Variants in PRDM10 observed in about 807,000 individuals in gnomAD.
PRDM10 encodes the protein PR/SET domain 10, also known as PR domain zinc finger protein 10.
In PRDM10, 65 loss-of-function variants were observed where a neutral mutation model predicts 133.1. The observed-to-expected ratio is 0.49, with a 90% confidence interval of 0.40 to 0.60. The LOEUF (loss-of-function observed/expected upper bound fraction) is 0.60. Among genes scored for constraint, PRDM10 ranks in the 20% least tolerant of loss-of-function variants. PRDM10 has a pLI of 0.00. For synonymous variants in PRDM10, 582 were observed against 580.4 expected, an observed-to-expected ratio of 1.00 and a Z score of -0.04; for missense variants, 1,137 against 1,507.1, an observed-to-expected ratio of 0.75 and a Z score of 4.07.
Position 129,918,647 on chromosome 11 carries a change from G to A in PRDM10, c.2106C>T (p.Arg702=), listed in dbSNP as rs1274819676. ...NPEREAKKAD[R]ISRSKTFKPR... ...GCTTGAACGTCTTGGAGCGGCTGAT[G>A]CGGTCGGCTTTCTTGGCCTCCCTCT... The change falls in exon 14 of 21, where the codon CGC becomes CGT. Residue 702 remains arginine (R), a synonymous_variant. Coordinates refer to ENST00000360871, the MANE Select transcript of PRDM10 (RefSeq NM_199437.2). The surrounding 1 kb of genome is among the most constrained non-coding windows in gnomAD (Gnocchi z 5.3). 2.5e-6 allele frequency: 4 copies of A among 1,614,210 alleles called. No homozygotes were observed. Among genetic ancestry groups the A allele is most frequent in the Admixed American group, 1.7e-5 (1 of 60,024 alleles).
intron 1 of PRDM10, among the ~76,000 whole-genome samples, chr11:129,980,877 T>G (rs1938069428): frequency 2.8e-5 from 4 of 144,762 alleles, no homozygotes; most frequent in South Asian, 2.3e-4. Context: ...TTTTTTTTTT[T>G]TTTTTTTTTT....
Position 129,947,323 on chromosome 11 carries a change from T to C in PRDM10, c.342A>G (p.Val114=), listed in dbSNP as rs762798525. 6.2e-7 allele frequency: 1 copy of C among 1,614,152 alleles called. No individual in the cohort carries two copies. The stretch of plus-strand genomic sequence containing the variant: ...GAGTTGCCAAAGGGTCGGACCCATC[T>C]ACACTCTCGATGGAAGGCAGCACCT... The part of the protein sequence containing the change: ...HNQVLPSIES[V]DGSDPLATLQ... Residue 114 remains valine (V), a synonymous_variant, in exon 5 of 21, where the codon GTA becomes GTG. Coordinates refer to ENST00000360871, the MANE Select transcript of PRDM10 (RefSeq NM_199437.2). The surrounding 1 kb of genome is among the most constrained non-coding windows in gnomAD (Gnocchi z 4.6).
At chr11:129,917,347 T>G in intron 14 of PRDM10, 110 bp from the exon 15 acceptor site, 1 of 779,818 alleles carries the variant, frequency 1.3e-6, no homozygotes. Context: ...TCTGAAGCAA[T>G]GCCCCCAAAT....
At chr11:129,940,600 T>C (rs1951175934) in intron 7 of PRDM10, among the ~76,000 whole-genome samples, 2 of 152,372 alleles carry the variant, frequency 1.3e-5, no homozygotes, top group South Asian at 2.1e-4. Flanking sequence ...ATGTGCAGGA[T>C]GTGCAGATTT....
chr11:129,917,268 A>T (rs371135165), intron 14 of PRDM10, 31 bp from the exon 15 acceptor site: 15 of 1,519,214 alleles, frequency 9.9e-6, no homozygotes, highest in Non-Finnish European at 1.3e-5. Flanking sequence ...CAATGAGAAA[A>T]AGAGACCCCA....
Position 129,947,426 on chromosome 11 carries a change from G to C in PRDM10, c.295-56C>G, listed in dbSNP as rs747335966. Reference sequence around the variant, plus strand: ...AGACATGGACACCTGCTTTTGGTTCGCTGGTGCCTGCTGGCACAAACAGGG... The same window carrying C: ...AGACATGGACACCTGCTTTTGGTTCCCTGGTGCCTGCTGGCACAAACAGGG... On this transcript the variant is annotated intron_variant, in intron 4 of 20. Transcript: ENST00000360871. This position sits in a 1 kb window ranked among gnomAD's most constrained non-coding sequence, Gnocchi z 4.6. 6.2e-7 allele frequency: 1 copy of C among 1,603,868 alleles called. No homozygotes were observed. The highest frequency in any genetic ancestry group is 1.7e-5 in the Admixed American group (1 of 59,736).
chr11:129,960,899 T>G lies in PRDM10; in HGVS notation c.66A>C (p.Ala22=). 1 of 1,614,140 alleles carries G rather than the reference T, an allele frequency of 6.2e-7. No homozygotes were observed. Among genetic ancestry groups the G allele is most frequent in the Middle Eastern group, 1.6e-4 (1 of 6,062 alleles). ...PTSAEHEQNA[A]QVHFVPDTGT... is the part of the protein sequence containing the mutation. ...GCTGGAAAAGACCAGTCTTCACCTG[T>G]GCGGCATTCTGTTCATGCTCTGCAG... is the stretch of plus-strand genomic sequence containing the variant. Residue 22 remains alanine (A), a synonymous_variant, in exon 2 of 21, where the codon GCA becomes GCC. Coordinates refer to ENST00000360871, the MANE Select transcript of PRDM10 (RefSeq NM_199437.2).
At chr11:129,944,295 C>T (rs748968164) in intron 6 of PRDM10, among the ~76,000 whole-genome samples, 16 of 152,106 alleles carry the variant, frequency 1.1e-4, no homozygotes, top group Admixed American at 2.0e-4. Flanking sequence ...CGCCTTCAGG[C>T]ACTAAAATTG....
intron 1 of PRDM10, among the ~76,000 whole-genome samples, chr11:129,983,089 G>T (rs369206222): frequency 2.6e-5 from 4 of 151,842 alleles, no homozygotes; most frequent in Non-Finnish European, 5.9e-5. Flanking sequence ...TGATTCTCCT[G>T]TGTCAACCTC....
rs1182285929 is a variant in PRDM10 at position 129,944,878 on chromosome 11, C to T, written c.655G>A (p.Gly219Ser). Residue 219 changes from glycine (G) to serine (S), a missense_variant, in exon 6 of 21, where the codon GGC (glycine) becomes AGC (serine). Transcript: ENST00000360871. ...PLVLYIDRFL[G>S]GVFSKRRIPK... ...ATGCGCCGCTTGGAGAACACCCCGC[C>T]CAGAAACCTGTCTATGTAGAGCACC... The T allele has an allele frequency of 1.2e-6, 2 of 1,614,160 alleles. No homozygotes were observed. Among genetic ancestry groups the T allele is most frequent in the South Asian group, 1.1e-5 (1 of 91,084 alleles).
At position 129,942,444 on chromosome 11, in the gene PRDM10, C is replaced by G; in HGVS notation, c.948G>C (p.Glu316Asp). The G allele has an allele frequency of 1.9e-6, 3 of 1,614,014 alleles. No individual in the cohort carries two copies. Among genetic ancestry groups the G allele is most frequent in the Non-Finnish European group, 2.5e-6 (3 of 1,179,976 alleles). ...HVYYTTIKNV[E>D]PKQELKVWYA... ...ACTGTACCTTCAGTTCCTGCTTGGG[C>G]TCCACATTTTTTATGGTTGTATAAT... is the stretch of plus-strand genomic sequence containing the variant. The change falls in exon 7 of 21, where the codon GAG (glutamate) becomes GAC (aspartate). Residue 316 changes from glutamate (E) to aspartate (D), a missense_variant. By Grantham distance (45) the Glu-to-Asp change is conservative (BLOSUM62 2). Transcript: ENST00000360871.
chr11:129,904,713 T>G (rs1206387928), intron 20 of PRDM10, among the ~76,000 whole-genome samples: 17 of 152,222 alleles, frequency 1.1e-4, no homozygotes, highest in African/African-American at 4.1e-4. Context: ...TTGGCCAAGT[T>G]GGTCTTGAAC....
rs1046871732 is a variant in PRDM10, at chr11:129,960,158, A to G, written c.69+738T>C. Among the ~76,000 whole-genome samples the G allele has an allele frequency of 5.9e-5, 9 of 152,196 alleles. No individual in the cohort carries two copies. The South Asian group carries it at 6.2e-4, about 10-fold the overall frequency. On this transcript the variant is annotated intron_variant, in intron 2 of 20. Coordinates refer to ENST00000360871, the MANE Select transcript of PRDM10 (RefSeq NM_199437.2). ...AGAATCTGCATACTTAAATGTTTCA[A>G]TGTAACTTCTTGATTTTGATACTGG... is the stretch of plus-strand genomic sequence containing the variant.
At chr11:129,936,556 G>A (rs1426618748) in intron 8 of PRDM10, among the ~76,000 whole-genome samples, 1 of 152,180 alleles carries the variant, frequency 6.6e-6, no homozygotes, top group African/African-American at 2.4e-5. Flanking sequence ...GGGAGGCTGA[G>A]GCAGGAGAAT....
At chr11:129,989,083 A>G (rs1035859286) in intron 1 of PRDM10, among the ~76,000 whole-genome samples, 4 of 152,234 alleles carry the variant, frequency 2.6e-5, no homozygotes, top group East Asian at 3.8e-4. Flanking sequence ...ACTTTATTCA[A>G]TTGGTCTACA....
intron 2 of PRDM10, among the ~76,000 whole-genome samples, chr11:129,959,925 CTT>C (rs112833018): frequency 2.0e-4 from 27 of 138,230 alleles, no homozygotes; most frequent in Non-Finnish European, 1.9e-4. Context: ...GCTAATTTTT[CTT>C]TTTTTTTTTT....
intron 4 of PRDM10, among the ~76,000 whole-genome samples, chr11:129,953,554 A>G (rs918548102): frequency 6.6e-6 from 1 of 152,190 alleles, no homozygotes; most frequent in Non-Finnish European, 1.5e-5. Flanking sequence ...TCAGCCTCCC[A>G]AAGTGTTGGG....
In PRDM10 at chr11:129,917,217, T is replaced by C. The variant is rs1287353184; in HGVS notation, c.2235A>G (p.Arg745=). The C allele has an allele frequency of 6.2e-7, 1 of 1,612,878 alleles. No homozygotes were observed. The change falls in exon 15 of 21, where the codon AGA becomes AGG. Residue 745 remains arginine (R), a synonymous_variant. Coordinates refer to ENST00000360871, the MANE Select transcript of PRDM10 (RefSeq NM_199437.2). ...RGMLVNHLSK[R]HPDMKIEEVP... ...CCTCTTCTATCTTCATGTCTGGGTGTCTCTTCGATAAGTGATTTACCTAAA... is the reference window on the plus strand; with the variant it reads ...CCTCTTCTATCTTCATGTCTGGGTGCCTCTTCGATAAGTGATTTACCTAAA...
intron 1 of PRDM10, among the ~76,000 whole-genome samples, chr11:130,001,481 C>G (rs1939372899): frequency 6.6e-6 from 1 of 152,154 alleles, no homozygotes; most frequent in East Asian, 1.9e-4. Flanking sequence ...ACAGGCAAAG[C>G]AGCAGAATTA....
Sources: allele counts gnomAD v4.1 joint callset (sites outside exome capture counted in the v4.1 genomes callset), GRCh38; gene constraint gnomAD v4.1.1; non-coding constraint Gnocchi (gnomAD v3.1); transcripts MANE v1.5; gene names NCBI Gene and HGNC (gene_info 2026-07-23, HGNC 2026-07-21).